ROBO2: variants seen among roughly 807,000 people sequenced by gnomAD.
ROBO2 encodes the protein roundabout guidance receptor 2.
ROBO2 carries 53 observed loss-of-function variants against 160.8 expected under a neutral mutation model. That is an observed-to-expected ratio of 0.33 (90% confidence interval 0.26 to 0.41). The LOEUF (loss-of-function observed/expected upper bound fraction) is 0.41, where lower values mean the gene tolerates loss of function less well. Ranked by LOEUF, ROBO2 falls within the 10% of genes least tolerant of loss-of-function variation. The pLI is 1.00. For synonymous variants in ROBO2, 664 were observed against 611.7 expected, an observed-to-expected ratio of 1.09 and a Z score of -1.26; for missense variants, 1,577 against 1,722.4, an observed-to-expected ratio of 0.92 and a Z score of 1.49.
At chr3:76,330,496 G>T (rs746204243) in intron 2 of ROBO2, among the ~76,000 whole-genome samples, 33 of 152,178 alleles carry the variant, frequency 2.2e-4, no homozygotes, top group Non-Finnish European at 3.8e-4. Flanking sequence ...TAACAGAAAT[G>T]TAAGTGGTAA....
chr3:77,190,097 A>T (rs2081687231), intron 2 of ROBO2, among the ~76,000 whole-genome samples: 1 of 151,912 alleles, frequency 6.6e-6, no homozygotes, highest in Non-Finnish European at 1.5e-5. Context: ...GAAATGACGT[A>T]TTTGTTCTTC....
rs772196827 is a variant in ROBO2 at position 76,194,353 on chromosome 3, A to AATATAT, written c.109+256779_109+256784dup. Among the ~76,000 whole-genome samples the AATATAT allele has an allele frequency of 1.6e-3, 147 of 94,488 alleles. 1 individual carries two copies. The highest frequency in any genetic ancestry group is 5.9e-3 in the African/African-American group (146 of 24,596). 62.0% of individuals were successfully genotyped at this position (94,488 alleles called of 152,430 possible). ...TCTATATAAATATGTATGGTGTGTA[A>AATATAT]ATATATATATATATATATATATATA... On this transcript the variant is annotated intron_variant, in intron 2 of 26. Transcript: ENST00000487694.
chr3:76,684,915 TA>T (rs59800216), intron 2 of ROBO2, among the ~76,000 whole-genome samples: 2,414 of 151,930 alleles, frequency 0.016, 69 homozygotes, highest in African/African-American at 0.055. Flanking sequence ...AGAAGAGAAT[TA>T]AAAACCCCAG....
At chr3:75,958,577 A>T (rs1948798771) in intron 2 of ROBO2, among the ~76,000 whole-genome samples, 1 of 151,748 alleles carries the variant, frequency 6.6e-6, no homozygotes, top group African/African-American at 2.4e-5. Context: ...AAGCAAAAGA[A>T]ACTGATGCAG....
intron 2 of ROBO2, among the ~76,000 whole-genome samples, chr3:76,997,044 CCTT>C (rs2061055145): frequency 6.6e-6 from 1 of 152,012 alleles, no homozygotes; most frequent in African/African-American, 2.4e-5. Flanking sequence ...AATTTGTATC[CCTT>C]CTTCTGCTTA....
At chr3:77,333,703 T>C (rs2066206685) in intron 2 of ROBO2, among the ~76,000 whole-genome samples, 1 of 152,192 alleles carries the variant, frequency 6.6e-6, no homozygotes, top group Non-Finnish European at 1.5e-5. Context: ...CAATCAAATG[T>C]GTTATGCAAA....
chr3:77,506,585 T>C (rs1049309620), intron 5 of ROBO2, among the ~76,000 whole-genome samples: 2 of 151,998 alleles, frequency 1.3e-5, no homozygotes, highest in Admixed American at 6.6e-5. Context: ...ATTTGGGAGA[T>C]TGGGTGCTAC....
At chr3:76,779,780 T>C (rs1357069318) in intron 2 of ROBO2, among the ~76,000 whole-genome samples, 1 of 151,022 alleles carries the variant, frequency 6.6e-6, no homozygotes, top group Non-Finnish European at 1.5e-5. Flanking sequence ...TTACAACATT[T>C]TCTTTATCTC....
chr3:75,971,192 TA>T (rs1412401239), intron 2 of ROBO2, among the ~76,000 whole-genome samples: 6 of 151,510 alleles, frequency 4.0e-5, no homozygotes, highest in Non-Finnish European at 8.9e-5. Flanking sequence ...GCTTTAAAAG[TA>T]AAACACTTGT....
intron 2 of ROBO2, among the ~76,000 whole-genome samples, chr3:76,455,549 A>C (rs1577319784): frequency 6.6e-6 from 1 of 152,274 alleles, no homozygotes; most frequent in Non-Finnish European, 1.5e-5. Flanking sequence ...ATTATCCTCC[A>C]TATATTTGCC....
chr3:77,518,909 C>T (rs2090309045), intron 5 of ROBO2, among the ~76,000 whole-genome samples: 1 of 151,444 alleles, frequency 6.6e-6, no homozygotes, highest in East Asian at 1.9e-4. Context: ...GATTTAGTTA[C>T]TTTCCGTACT....
intron 7 of ROBO2, among the ~76,000 whole-genome samples, chr3:77,546,798 G>C (rs1302493965): frequency 6.6e-6 from 1 of 152,018 alleles, no homozygotes; most frequent in African/African-American, 2.4e-5. Context: ...GAGATACGTG[G>C]TGTGATAGAG....
At chr3:76,953,238 G>A (rs1284809557) in intron 2 of ROBO2, among the ~76,000 whole-genome samples, 1 of 152,064 alleles carries the variant, frequency 6.6e-6, no homozygotes, top group Non-Finnish European at 1.5e-5. Flanking sequence ...AAAACTTTTG[G>A]TAAGTGTGCA....
intron 2 of ROBO2, among the ~76,000 whole-genome samples, chr3:76,508,113 T>C (rs1244942611): frequency 6.6e-6 from 1 of 152,186 alleles, no homozygotes; most frequent in Non-Finnish European, 1.5e-5. Context: ...GGTGTGACTT[T>C]CCATTCATCA....
chr3:77,068,827 A>T (rs2067123178), intron 1 of ROBO2, among the ~76,000 whole-genome samples: 1 of 152,162 alleles, frequency 6.6e-6, no homozygotes, highest in Admixed American at 6.6e-5. Context: ...TCTAAAATAA[A>T]GGTGGGCACA....
At chr3:76,603,351 A>AATATATATATATATATAT (rs71104603) in intron 2 of ROBO2, among the ~76,000 whole-genome samples, 1 of 26,406 alleles carries the variant, frequency 3.8e-5, no homozygotes, top group Non-Finnish European at 5.8e-5. Context: ...AAAAAAAAAA[A>AATATATATATATATATAT]ATATATATAT....
At chr3:76,461,080 TCA>T (rs1343472388) in intron 2 of ROBO2, among the ~76,000 whole-genome samples, 1 of 152,206 alleles carries the variant, frequency 6.6e-6, no homozygotes, top group Non-Finnish European at 1.5e-5. Context: ...TTTAACTGGC[TCA>T]CAGTTATGCC....
chr3:76,655,439 C>CATATATATATATAT (rs747521584), intron 2 of ROBO2, among the ~76,000 whole-genome samples: 4,603 of 57,714 alleles, frequency 0.08, 730 homozygotes, highest in African/African-American at 0.22. Flanking sequence ...GATTTTTTTC[C>CATATATATATATAT]ATATATATAT....
chr3:76,870,367 A>G (rs1451435669), intron 2 of ROBO2, among the ~76,000 whole-genome samples: 1 of 152,188 alleles, frequency 6.6e-6, no homozygotes, highest in Non-Finnish European at 1.5e-5. Context: ...AGCCTAATCA[A>G]TAAATATTAT....
Sources: gnomAD v4.1 joint callset for allele counts (sites outside exome capture counted in the v4.1 genomes callset) on GRCh38, gnomAD v4.1.1 for gene constraint, MANE v1.5 for transcripts, NCBI Gene and HGNC (gene_info 2026-07-23, HGNC 2026-07-21) for gene names.